The following GPC5 variants were observed in gnomAD, a reference collection of about 807,000 sequenced individuals.
GPC5 encodes the protein glypican-5.
GPC5 carries 47 observed loss-of-function variants against 53.9 expected under a neutral mutation model. The observed-to-expected ratio is 0.87, with a 90% CI of 0.69 to 1.11. GPC5 has a LOEUF of 1.11. Ranked by LOEUF, GPC5 falls within the 50% of genes most tolerant of loss-of-function variation. GPC5 has a pLI of 0.00. For missense variants in GPC5, 748 were observed against 713.1 expected (o/e 1.05, Z -0.56); for synonymous variants, 286 against 263.3 (o/e 1.09, Z -0.84).
chr13:92,633,258 TG>T (rs943926544), intron 7 of GPC5, among the ~76,000 whole-genome samples: 2 of 152,090 alleles, frequency 1.3e-5, no homozygotes, highest in Admixed American at 1.3e-4. Flanking sequence ...GTGGGAATTG[TG>T]GGAGTTACAA....
At chr13:92,743,013 G>T (rs995961164) in intron 7 of GPC5, among the ~76,000 whole-genome samples, 101 of 152,098 alleles carry the variant, frequency 6.6e-4, no homozygotes, top group South Asian at 1.0e-3. Flanking sequence ...AGTCAGGTAG[G>T]GTGATGCCTC....
intron 6 of GPC5, among the ~76,000 whole-genome samples, chr13:91,931,425 T>C (rs1162657939): frequency 1.3e-5 from 2 of 152,050 alleles, no homozygotes; most frequent in Admixed American, 6.6e-5. Context: ...GAGCAATGAA[T>C]TTCTAAAATT....
intron 7 of GPC5, among the ~76,000 whole-genome samples, chr13:92,422,067 C>A (rs1415943134): frequency 1.3e-5 from 2 of 152,006 alleles, no homozygotes; most frequent in Non-Finnish European, 2.9e-5. Context: ...CTCTCCAAGG[C>A]TGTGGAGAAT....
At chr13:92,792,204 C>A (rs141457666) in intron 7 of GPC5, among the ~76,000 whole-genome samples, 2 of 152,200 alleles carry the variant, frequency 1.3e-5, no homozygotes, top group African/African-American at 4.8e-5. Context: ...AGACTAACAG[C>A]AGATCTCTCG....
intron 7 of GPC5, among the ~76,000 whole-genome samples, chr13:92,382,119 A>C (rs958209456): frequency 6.6e-6 from 1 of 151,570 alleles, no homozygotes; most frequent in African/African-American, 2.4e-5. Flanking sequence ...TCAGGTATGG[A>C]AAAACCAAAC....
chr13:92,854,662 C>T (rs1405266870), intron 7 of GPC5, among the ~76,000 whole-genome samples: 4 of 151,874 alleles, frequency 2.6e-5, no homozygotes, highest in Non-Finnish European at 5.9e-5. Flanking sequence ...CATGATAAAG[C>T]GCAGGGAAGA....
At chr13:92,549,218 A>AT (rs2139013513) in intron 7 of GPC5, among the ~76,000 whole-genome samples, 1 of 152,238 alleles carries the variant, frequency 6.6e-6, no homozygotes, top group South Asian at 2.1e-4. Flanking sequence ...CTGACTCAAC[A>AT]TGTCAGATCA....
At chr13:91,830,069 C>G (rs1447828733) in intron 5 of GPC5, among the ~76,000 whole-genome samples, 1 of 151,698 alleles carries the variant, frequency 6.6e-6, no homozygotes, top group African/African-American at 2.4e-5. Context: ...TCCTAAGAAG[C>G]CTGGGAGTGC....
chr13:91,757,998 A>C (rs574096090), intron 5 of GPC5, among the ~76,000 whole-genome samples: 2 of 152,234 alleles, frequency 1.3e-5, no homozygotes, highest in East Asian at 3.9e-4. Flanking sequence ...TTAAATTATT[A>C]TTTTACTAAT....
chr13:91,994,491 G>A lies in GPC5; in HGVS notation c.1401+86434G>A, dbSNP rs142305580. The A allele has an allele frequency of 1.3e-4, 20 of 152,242 alleles. No individual in the cohort carries two copies. In the East Asian group the frequency reaches 3.7e-3, roughly 28 times the overall value. 9.4% of individuals were successfully genotyped at this position (152,242 alleles called of 1,614,324 possible). On this transcript the variant is annotated intron_variant, in intron 6 of 7. Coordinates refer to ENST00000377067, the MANE Select transcript of GPC5 (RefSeq NM_004466.6). ...CAAAGAAGGAATCATACAGCTTTAAGTGAGAATTATCAATTGTTAATGATT... is the reference window on the plus strand; with the variant it reads ...CAAAGAAGGAATCATACAGCTTTAAATGAGAATTATCAATTGTTAATGATT...
intron 7 of GPC5, among the ~76,000 whole-genome samples, chr13:92,357,042 T>C (rs1320754773): frequency 6.8e-6 from 1 of 148,128 alleles, no homozygotes; most frequent in Non-Finnish European, 1.5e-5. Context: ...GCAAAGGAGT[T>C]GATCTTGTTC....
In GPC5 at chr13:92,431,589, G is replaced by A. The variant is rs570918587; in HGVS notation, c.1561+286600G>A. ...GAAGCAAAGTCAGTGTAAAGAAGAT[G>A]GAGATGGGATGAAATAGATTGTCTG... On this transcript the variant is annotated intron_variant, in intron 7 of 7. Transcript: ENST00000377067. Among the ~76,000 whole-genome samples the A allele has an allele frequency of 6.5e-4, 99 of 152,136 alleles. 1 individual carries two copies. Among genetic ancestry groups the A allele is most frequent in the African/African-American group, 1.8e-3 (75 of 41,520 alleles).
intron 6 of GPC5, among the ~76,000 whole-genome samples, chr13:91,945,835 C>T (rs1266683288): frequency 1.4e-5 from 2 of 145,974 alleles, no homozygotes; most frequent in African/African-American, 5.6e-5. Context: ...TCAAGTGATA[C>T]AACCTGATAC....
chr13:91,562,912 A>G (rs1251771576), intron 2 of GPC5, among the ~76,000 whole-genome samples: 2 of 152,094 alleles, frequency 1.3e-5, no homozygotes, highest in East Asian at 3.9e-4. Context: ...TGAAGGATCC[A>G]TATTAAAAAT....
At chr13:92,680,890 C>T (rs774449043) in intron 7 of GPC5, among the ~76,000 whole-genome samples, 15 of 152,230 alleles carry the variant, frequency 9.9e-5, no homozygotes, top group Middle Eastern at 6.8e-3. Flanking sequence ...TCACCAGGAA[C>T]CTTCTTCAGA....
intron 7 of GPC5, among the ~76,000 whole-genome samples, chr13:92,691,252 G>A (rs1318683191): frequency 8.6e-6 from 1 of 115,902 alleles, no homozygotes; most frequent in Non-Finnish European, 1.7e-5. Flanking sequence ...AGCCAGGTGT[G>A]GGATATAGTC....
chr13:92,793,673 T>C (rs192916829), intron 7 of GPC5, among the ~76,000 whole-genome samples: 13 of 151,780 alleles, frequency 8.6e-5, no homozygotes, highest in Middle Eastern at 3.4e-3. Context: ...AAGAATCAAA[T>C]AGACACAATA....
At chr13:92,455,427 C>T (rs1484286367) in intron 7 of GPC5, among the ~76,000 whole-genome samples, 1 of 151,880 alleles carries the variant, frequency 6.6e-6, no homozygotes, top group African/African-American at 2.4e-5. Flanking sequence ...AAATGAATAC[C>T]ACTGAAATAG....
At chr13:91,676,130 G>A (rs1257855116) in intron 2 of GPC5, among the ~76,000 whole-genome samples, 3 of 152,112 alleles carry the variant, frequency 2.0e-5, no homozygotes, top group African/African-American at 7.2e-5. Flanking sequence ...GAGTGCAATG[G>A]CACAATCTTG....
Sources: gnomAD v4.1 joint callset for allele counts (sites outside exome capture counted in the v4.1 genomes callset) on GRCh38, gnomAD v4.1.1 for gene constraint, MANE v1.5 for transcripts, NCBI Gene and HGNC (gene_info 2026-07-23, HGNC 2026-07-21) for gene names.